PRPF19: variants seen among roughly 807,000 people sequenced by gnomAD.
The protein encoded by PRPF19 is pre-mRNA processing factor 19.
Under a neutral mutation model 64.2 loss-of-function variants are expected in PRPF19, and 2 were observed. The ratio of observed to expected loss-of-function variants is 0.03; its 90% CI spans 0.01 to 0.10. The LOEUF is 0.10. PRPF19 is among the 10% of genes least tolerant of loss of function. PRPF19 has a pLI of 1.00. For synonymous variants in PRPF19, 226 were observed against 251.6 expected, an observed-to-expected ratio of 0.90 and a Z score of 0.96; for missense variants, 314 against 650.0, an observed-to-expected ratio of 0.48 and a Z score of 5.62.
intron 3 of PRPF19, 133 bp downstream of exon 3, chr11:60,903,326 A>C: frequency 1.0e-6 from 1 of 999,198 alleles, no homozygotes; most frequent in Non-Finnish European, 1.5e-6. Flanking sequence ...GATACAACGA[A>C]GAATAAAACA....
intron 1 of PRPF19, among the ~76,000 whole-genome samples, chr11:60,906,125 G>A (rs1400273155): frequency 6.6e-6 from 1 of 152,224 alleles, no homozygotes; most frequent in Non-Finnish European, 1.5e-5. Context: ...GTAGAATGAG[G>A]CGACCGGCCT....
At chr11:60,897,539 C>A (rs1047841352) in intron 15 of PRPF19, 2 of 255,368 alleles carry the variant, frequency 7.8e-6, no homozygotes, top group Non-Finnish European at 1.5e-5. Context: ...ATTAAAATGG[C>A]TCTCCTCCTG....
intron 1 of PRPF19, among the ~76,000 whole-genome samples, chr11:60,905,992 C>T (rs1404872419): frequency 1.3e-5 from 2 of 152,228 alleles, no homozygotes; most frequent in South Asian, 2.1e-4. Flanking sequence ...AGGCCCAGAG[C>T]CTTGAGCCAA....
rs754239850 is a variant in PRPF19 at position 60,902,366 on chromosome 11, C to T, written c.525+37G>A. On this transcript the variant is annotated intron_variant, in intron 6 of 15. Transcript: ENST00000227524. This position sits in a 1 kb window ranked among gnomAD's most constrained non-coding sequence, Gnocchi z 5.0. ...CCAGACAGATGGTGAAAAGTAAGGG[C>T]CCATCAGCACTCCCACCAGGTGAGA... The T allele has an allele frequency of 4.4e-6, 7 of 1,591,348 alleles. No individual in the cohort carries two copies. In the Admixed American group the frequency reaches 5.0e-5, roughly 11 times the overall value.
chr11:60,891,141 C>T lies in PRPF19; in HGVS notation c.*25G>A. The T allele has an allele frequency of 7.7e-7, 1 of 1,302,264 alleles. No individual in the cohort carries two copies. The highest frequency in any genetic ancestry group is 1.2e-5 in the South Asian group (1 of 86,198). 80.7% of individuals were successfully genotyped at this position (1,302,264 alleles called of 1,614,324 possible). On this transcript the variant is annotated 3_prime_UTR_variant, in exon 16 of 16. Coordinates refer to ENST00000227524, the MANE Select transcript of PRPF19 (RefSeq NM_014502.5). ...TCTACCCCTCTACTGAGATGAGGCC[C>T]AGCTTCCATCAGAAGGGCCAGGGCC...
In PRPF19 at chr11:60,902,625, G is replaced by A; in HGVS notation, c.420C>T (p.Leu140=). The A allele has an allele frequency of 6.2e-7, 1 of 1,614,196 alleles. No individual in the cohort carries two copies. The highest frequency in any genetic ancestry group is 8.5e-7 in the Non-Finnish European group (1 of 1,180,008). The part of the protein sequence containing the change: ...ALATLKPQAG[L]IVPQAVPSSQ... ...AACTTGGCACAGCCTGGGGCACAAT[G>A]AGGCCAGCCTGTGGTTTCAGGGTAG... is the stretch of plus-strand genomic sequence containing the variant. Residue 140 remains leucine, a synonymous_variant, in exon 5 of 16, where the codon CTC becomes CTT. Transcript: ENST00000227524. This position sits in a 1 kb window ranked among gnomAD's most constrained non-coding sequence, Gnocchi z 5.0.
intron 7 of PRPF19, 60 bp from the exon 8 acceptor site, chr11:60,901,429 C>T (rs1408659658): frequency 1.2e-6 from 2 of 1,613,898 alleles, no homozygotes; most frequent in East Asian, 2.2e-5. Flanking sequence ...CAGCCGCCCT[C>T]TCTCTCCTAA....
Position 60,903,838 on chromosome 11 carries a change from G to C in PRPF19, c.43C>G (p.Pro15Ala). The change falls in exon 2 of 16, where the codon CCA (proline) becomes GCA (alanine). Residue 15 changes from proline to alanine, a missense_variant. By Grantham distance (27) the Pro-to-Ala change is conservative (BLOSUM62 -1). Transcript: ENST00000227524. ...CSISNEVPEH[P>A]CVSPVSNHVY... ...TGATTAGAGACAGGGGATACACATGGGTGCTCCGGCACTTCGTTAGAGACT... is the reference window on the plus strand; with the variant it reads ...TGATTAGAGACAGGGGATACACATGCGTGCTCCGGCACTTCGTTAGAGACT... 1 of 1,608,440 alleles carries C rather than the reference G, an allele frequency of 6.2e-7. No individual in the cohort carries two copies. Among genetic ancestry groups the C allele is most frequent in the Non-Finnish European group, 8.5e-7 (1 of 1,178,760 alleles).
At chr11:60,896,926 T>C (rs482584) in intron 15 of PRPF19, among the ~76,000 whole-genome samples, 31,275 of 152,286 alleles carry the variant, frequency 0.21, 4,239 homozygotes, top group Middle Eastern at 0.35. Flanking sequence ...TTAAGTTAAA[T>C]GTTATTACAA....
intron 10 of PRPF19, among the ~76,000 whole-genome samples, 169 bp downstream of exon 10, chr11:60,900,413 C>A (rs1359995987): frequency 1.3e-5 from 2 of 152,216 alleles, no homozygotes; most frequent in Non-Finnish European, 2.9e-5. Context: ...AGGTCTCACG[C>A]AGAGTGAAGG....
chr11:60,905,147 C>T (rs1419453630), intron 1 of PRPF19, among the ~76,000 whole-genome samples: 1 of 152,184 alleles, frequency 6.6e-6, no homozygotes, highest in African/African-American at 2.4e-5. Context: ...CACAACAACC[C>T]GCAATAGAGG....
intron 15 of PRPF19, among the ~76,000 whole-genome samples, chr11:60,893,274 G>A (rs893337849): frequency 2.0e-5 from 3 of 150,844 alleles, no homozygotes; most frequent in Non-Finnish European, 3.0e-5. Flanking sequence ...GGCAGATCAC[G>A]AGGTCAGGAG....
Position 60,901,087 on chromosome 11 carries a change from G to A in PRPF19, c.643-158C>T, listed in dbSNP as rs146692119. Among the ~76,000 whole-genome samples, 32 of 152,222 alleles carry A rather than the reference G, an allele frequency of 2.1e-4. No individual in the cohort carries two copies. The East Asian group carries it at 5.2e-3, about 25-fold the overall frequency. On this transcript the variant is annotated intron_variant, in intron 8 of 15. Transcript: ENST00000227524. ...TACCTCTTGGCTATCTGCCTGGTAC[G>A]GTAACTCCCTCACTGCATCACTAGG...
chr11:60,902,595 T>C lies in PRPF19; in HGVS notation c.450A>G (p.Gln150=). 6.2e-7 allele frequency: 1 copy of C among 1,613,858 alleles called. No individual in the cohort carries two copies. Among genetic ancestry groups the C allele is most frequent in the African/African-American group, 1.3e-5 (1 of 75,032 alleles). The change falls in exon 5 of 16, where the codon CAA becomes CAG. Residue 150 remains glutamine (Q), a synonymous_variant. Coordinates refer to ENST00000227524, the MANE Select transcript of PRPF19 (RefSeq NM_014502.5). This position sits in a 1 kb window ranked among gnomAD's most constrained non-coding sequence, Gnocchi z 5.0. Reference sequence around the variant, plus strand: ...GGGGGACACTTACCACAACACTTGGTTGGGAACTTGGCACAGCCTGGGGCA... The same window carrying C: ...GGGGGACACTTACCACAACACTTGGCTGGGAACTTGGCACAGCCTGGGGCA... ...LIVPQAVPSS[Q]PSVVGAGEPM... is the part of the protein sequence containing the mutation.
intron 15 of PRPF19, among the ~76,000 whole-genome samples, chr11:60,892,016 G>C (rs186339556): frequency 1.5e-4 from 23 of 152,300 alleles, no homozygotes; most frequent in African/African-American, 5.5e-4. Flanking sequence ...CACAGCAGTA[G>C]CTCCCATTCA....
rs1034160595 is a variant in PRPF19, at chr11:60,901,144, G to A, written c.642+151C>T. 8.0e-6 allele frequency: 8 copies of A among 1,005,426 alleles called. No individual in the cohort carries two copies. The African/African-American group carries it at 1.3e-4, about 16-fold the overall frequency. The allele number at this position is 1,005,426 out of a possible 1,614,324, so 62.3% of individuals were successfully genotyped here. A position where few individuals can be genotyped will look rare whatever the true frequency, so the allele number is the denominator to read the frequency against. On this transcript the variant is annotated intron_variant, in intron 8 of 15. Coordinates refer to ENST00000227524, the MANE Select transcript of PRPF19 (RefSeq NM_014502.5). ...ACAGCTGGGCAGAAAGAGGAGCCCT[G>A]ACAACTCAGCAGCCCAGGCGAGAAA...
chr11:60,898,887 C>A lies in PRPF19; in HGVS notation c.1029G>T (p.Lys343Asn). ...SDIQTGRVLT[K>N]VTDETSGCSL... is the part of the protein sequence containing the mutation. ...AGCAGCCGGAGGTCTCATCTGTCAC[C>A]TTGGTGAGCACACGCCCTGTCTGGA... Residue 343 changes from lysine (K) to asparagine (N), a missense_variant, in exon 12 of 16, where the codon AAG becomes AAT. Around this residue, in one of 7 missense-constraint regions of PRPF19, gnomAD observed 175 missense variants for 342.9 expected, o/e 0.51. Transcript: ENST00000227524. This position sits in a 1 kb window ranked among gnomAD's most constrained non-coding sequence, Gnocchi z 4.6. 6.2e-7 allele frequency: 1 copy of A among 1,606,022 alleles called. No individual in the cohort carries two copies. The highest frequency in any genetic ancestry group is 2.2e-5 in the East Asian group (1 of 44,770).
chr11:60,901,060 C>A, intron 8 of PRPF19, 131 bp from the exon 9 acceptor site: 1 of 1,108,240 alleles, frequency 9.0e-7, no homozygotes. Flanking sequence ...ATTCCTTATC[C>A]ATACCTCTTG....
chr11:60,894,715 A>G (rs760625472), intron 15 of PRPF19, among the ~76,000 whole-genome samples: 2 of 152,238 alleles, frequency 1.3e-5, no homozygotes, highest in Non-Finnish European at 2.9e-5. Flanking sequence ...TACTTTGTCC[A>G]GATCCATCAA....
Sources: gnomAD v4.1 joint callset for allele counts (sites outside exome capture counted in the v4.1 genomes callset) on GRCh38, gnomAD v4.1.1 for gene constraint, gnomAD v4.1.1 regional missense constraint, Gnocchi (gnomAD v3.1) non-coding constraint, MANE v1.5 for transcripts, NCBI Gene and HGNC (gene_info 2026-07-23, HGNC 2026-07-21) for gene names.